Variants in FNDC3B observed in about 807,000 individuals in gnomAD.
The protein encoded by FNDC3B is fibronectin type III domain containing 3B, also known as fibronectin type III domain-containing protein 3B.
Under a neutral mutation model 151.5 loss-of-function variants are expected in FNDC3B, and 12 were observed. The observed-to-expected ratio is 0.08, with a 90% CI of 0.05 to 0.13. The LOEUF (loss-of-function observed/expected upper bound fraction) is 0.13, where lower values mean the gene tolerates loss of function less well. Among genes scored for constraint, FNDC3B ranks in the 10% least tolerant of loss-of-function variants. The pLI is 1.00. For missense variants in FNDC3B, 1,214 were observed against 1,505.3 expected (o/e 0.81, Z 3.20); for synonymous variants, 528 against 549.0 (o/e 0.96, Z 0.54).
chr3:172,092,150 A>G (rs1026396166), intron 1 of FNDC3B, among the ~76,000 whole-genome samples: 1 of 152,152 alleles, frequency 6.6e-6, no homozygotes, highest in Non-Finnish European at 1.5e-5. Context: ...GAGTAGAAGA[A>G]CAGCAAACCT....
At chr3:172,262,500 A>G (rs1246079281) in intron 6 of FNDC3B, among the ~76,000 whole-genome samples, 1 of 152,210 alleles carries the variant, frequency 6.6e-6, no homozygotes, top group Non-Finnish European at 1.5e-5. Flanking sequence ...GCAGTACACT[A>G]TACGGAGGTA....
At chr3:172,213,142 TTCTC>T (rs1242129322) in intron 3 of FNDC3B, among the ~76,000 whole-genome samples, 1 of 152,254 alleles carries the variant, frequency 6.6e-6, no homozygotes, top group East Asian at 1.9e-4. Context: ...AGATCCTTCT[TTCTC>T]CTTATCTGTT....
In FNDC3B at chr3:172,128,984, T is replaced by C. The variant is rs1226726334; in HGVS notation, c.112-4487T>C. Among the ~76,000 whole-genome samples the C allele has an allele frequency of 2.6e-5, 4 of 152,166 alleles. No individual in the cohort carries two copies. In the East Asian group the frequency reaches 5.8e-4, roughly 22 times the overall value. The stretch of plus-strand genomic sequence containing the variant: ...CTCTTCTCCCAGGAGGAGCTTTTTT[T>C]TGGGAGACAGTCTTGCTCTGTTGTC... On this transcript the variant is annotated intron_variant, in intron 2 of 25. Coordinates refer to ENST00000415807, the MANE Select transcript of FNDC3B (RefSeq NM_022763.4).
At chr3:172,122,466 T>C (rs1720602116) in intron 2 of FNDC3B, among the ~76,000 whole-genome samples, 1 of 152,252 alleles carries the variant, frequency 6.6e-6, no homozygotes, top group South Asian at 2.1e-4. Flanking sequence ...CATTTTCTGG[T>C]CAGCTTTAAT....
chr3:172,342,861 C>A, intron 17 of FNDC3B, 150 bp from the exon 18 acceptor site: 1 of 537,992 alleles, frequency 1.9e-6, no homozygotes, highest in Non-Finnish European at 3.4e-6. Context: ...ATCTTAATTA[C>A]ATTAAAAGCA....
In FNDC3B at chr3:172,059,660, C is replaced by T. The variant is rs997327095; in HGVS notation, c.-29+19889C>T. 1.6e-4 allele frequency among the ~76,000 whole-genome samples: 25 copies of T among 151,942 alleles called. No homozygotes were observed. In the East Asian group the frequency reaches 2.1e-3, roughly 13 times the overall value. On this transcript the variant is annotated intron_variant, in intron 1 of 25. Coordinates refer to ENST00000415807, the MANE Select transcript of FNDC3B (RefSeq NM_022763.4). ...AATCAGGGCACAAATACAAGTTAGG[C>T]GTATTGTTTATTTTTCTAAGTCAAT...
chr3:172,310,650 AG>A (rs1391747649), intron 10 of FNDC3B, among the ~76,000 whole-genome samples, 177 bp from the exon 11 acceptor site: 2 of 152,200 alleles, frequency 1.3e-5, no homozygotes, highest in African/African-American at 2.4e-5. Flanking sequence ...TCTACTGTTG[AG>A]GTATGTCAAA....
intron 11 of FNDC3B, among the ~76,000 whole-genome samples, chr3:172,323,511 C>T (rs1028992992): frequency 5.3e-5 from 8 of 152,100 alleles, no homozygotes; most frequent in Non-Finnish European, 1.2e-4. Flanking sequence ...AGTGAGACAC[C>T]TTGTCTCTCA....
chr3:172,379,670 T>G (rs529744445), intron 24 of FNDC3B, among the ~76,000 whole-genome samples: 3 of 152,188 alleles, frequency 2.0e-5, no homozygotes, highest in Admixed American at 2.0e-4. Flanking sequence ...AGCTTTGCCT[T>G]TCAGTTATAA....
intron 4 of FNDC3B, among the ~76,000 whole-genome samples, chr3:172,243,099 G>C (rs1727584296): frequency 6.6e-6 from 1 of 152,162 alleles, no homozygotes; most frequent in Non-Finnish European, 1.5e-5. Flanking sequence ...CTCTATCTGA[G>C]ACCATCTCAG....
In FNDC3B at chr3:172,347,358, A is replaced by G. The variant is rs113522210; in HGVS notation, c.2511A>G (p.Leu837=). ...LLPAAQYCCR[L]QAFNQAGAGP... is the part of the protein sequence containing the mutation. ...CTGCTGCACAGTATTGCTGTAGACT[A>G]CAGGTAGGTTGACATTATTCAGATG... Residue 837 remains leucine (L), a synonymous_variant, in exon 21 of 26, where the codon CTA becomes CTG. Transcript: ENST00000415807. 5,021 of 1,611,676 alleles carry G rather than the reference A, an allele frequency of 3.1e-3. 13 individuals carry two copies. The highest frequency in any genetic ancestry group is 3.8e-3 in the Non-Finnish European group (4,523 of 1,178,824).
chr3:172,199,401 G>A (rs370260537), intron 3 of FNDC3B, among the ~76,000 whole-genome samples: 1 of 149,360 alleles, frequency 6.7e-6, no homozygotes, highest in East Asian at 2.0e-4. Context: ...GGATGGTCTC[G>A]ATCTCCTGAC....
intron 3 of FNDC3B, among the ~76,000 whole-genome samples, chr3:172,153,362 C>A (rs546284952): frequency 4.3e-4 from 65 of 152,234 alleles, no homozygotes; most frequent in African/African-American, 1.5e-3. Context: ...TTTTCCAAGC[C>A]GAGTGCTCCC....
At chr3:172,342,564 A>G (rs1412707392) in intron 17 of FNDC3B, among the ~76,000 whole-genome samples, 1 of 152,234 alleles carries the variant, frequency 6.6e-6, no homozygotes, top group Non-Finnish European at 1.5e-5. Flanking sequence ...GGTTGATGTC[A>G]GAATCAATTG....
At chr3:172,359,818 A>G (rs1734280899) in intron 22 of FNDC3B, among the ~76,000 whole-genome samples, 1 of 152,188 alleles carries the variant, frequency 6.6e-6, no homozygotes, top group South Asian at 2.1e-4. Context: ...ATGCAGCCCC[A>G]GTGTAATAGA....
intron 1 of FNDC3B, among the ~76,000 whole-genome samples, chr3:172,071,661 T>C (rs1387413016): frequency 6.6e-6 from 1 of 152,168 alleles, no homozygotes; most frequent in East Asian, 1.9e-4. Flanking sequence ...TCTTAGTTTT[T>C]CTCTCAAATA....
intron 3 of FNDC3B, among the ~76,000 whole-genome samples, chr3:172,150,386 T>A (rs1400941355): frequency 6.6e-6 from 1 of 152,114 alleles, no homozygotes; most frequent in Non-Finnish European, 1.5e-5. Context: ...GTGGTACCTT[T>A]TCATTTTAGG....
chr3:172,133,979 G>A (rs1326899793), intron 3 of FNDC3B, among the ~76,000 whole-genome samples: 1 of 152,160 alleles, frequency 6.6e-6, no homozygotes. Flanking sequence ...AGACTCAAGA[G>A]AAGAAATTAT....
At chr3:172,226,444 A>G (rs1020650017) in intron 3 of FNDC3B, among the ~76,000 whole-genome samples, 4 of 152,198 alleles carry the variant, frequency 2.6e-5, no homozygotes, top group African/African-American at 9.6e-5. Flanking sequence ...TCATAAATGC[A>G]AAGTCTATAG....
Sources: allele counts gnomAD v4.1 joint callset (sites outside exome capture counted in the v4.1 genomes callset), GRCh38; gene constraint gnomAD v4.1.1; transcripts MANE v1.5; gene names NCBI Gene and HGNC (gene_info 2026-07-23, HGNC 2026-07-21).